PRR14: variants seen among roughly 807,000 people sequenced by gnomAD.
The protein encoded by PRR14 is proline rich 14.
In PRR14, 33 loss-of-function variants were observed where a neutral mutation model predicts 57.2. That is an observed-to-expected ratio of 0.58 (90% CI 0.44 to 0.77). The LOEUF (loss-of-function observed/expected upper bound fraction) is 0.77. PRR14 is among the 30% of genes least tolerant of loss of function. The pLI, the probability that PRR14 is intolerant of heterozygous loss-of-function variation, is 0.00. For synonymous variants in PRR14, 303 were observed against 314.7 expected, an observed-to-expected ratio of 0.96 and a Z score of 0.39; for missense variants, 716 against 788.1, an observed-to-expected ratio of 0.91 and a Z score of 1.10.
At position 30,656,240 on chromosome 16, in the gene PRR14, C is replaced by T. The variant is rs2151259919; in HGVS notation, c.1687C>T (p.Arg563Trp). 3 of 1,613,316 alleles carry T rather than the reference C, an allele frequency of 1.9e-6. No homozygotes were observed. The highest frequency in any genetic ancestry group is 1.3e-5 in the African/African-American group (1 of 75,036). Residue 563 changes from arginine (R) to tryptophan (W), a missense_variant, in exon 12 of 12, where the codon CGG (arginine) becomes TGG (tryptophan). By Grantham distance (101) the Arg-to-Trp change is moderately radical (BLOSUM62 -3). Transcript: ENST00000300835. ...SPDVGPLLQQRLEELDALLLE... is the reference protein window; with the variant it reads ...SPDVGPLLQQWLEELDALLLE... ...TGATGTGGGCCCCCTGCTCCAGCAGCGGCTGGAGGAGCTAGATGCCTTGCT... is the reference window on the plus strand; with the variant it reads ...TGATGTGGGCCCCCTGCTCCAGCAGTGGCTGGAGGAGCTAGATGCCTTGCT...
In PRR14 at chr16:30,653,454, C is replaced by T. The variant is rs373711639; in HGVS notation, c.548+46C>T. On this transcript the variant is annotated intron_variant, in intron 6 of 11. Transcript: ENST00000300835. ...ATTATCAAAGGATCCAGGCAACAGC[C>T]ATCATCCAGGTAGCCAGAGCTAGGG... The T allele has an allele frequency of 1.4e-5, 22 of 1,580,682 alleles. 1 individual carries two copies. In the East Asian group the frequency reaches 4.5e-4, roughly 32 times the overall value.
intron 3 of PRR14, chr16:30,652,436 A>C: frequency 1.8e-6 from 1 of 565,580 alleles, no homozygotes; most frequent in Non-Finnish European, 3.2e-6. Flanking sequence ...TGCACAGATA[A>C]GAAAAACTGG....
Position 30,655,025 on chromosome 16 carries a change from C to T in PRR14, c.1055C>T (p.Pro352Leu). Residue 352 changes from proline to leucine, a missense_variant, in exon 8 of 12, where the codon CCC (proline) becomes CTC (leucine). By Grantham distance (98) the Pro-to-Leu change is moderately conservative. Coordinates refer to ENST00000300835, the MANE Select transcript of PRR14 (RefSeq NM_024031.5). This position sits in a 1 kb window ranked among gnomAD's most constrained non-coding sequence, Gnocchi z 4.6. Reference sequence around the variant, plus strand: ...ACCTGCACCTGGCCACCTGCTCCACCCCAACCAAGCCGACCACGGCCGCGG... The same window carrying T: ...ACCTGCACCTGGCCACCTGCTCCACTCCAACCAAGCCGACCACGGCCGCGG... ...PGTCTWPPAP[P>L]QPSRPRPRRH... 6.2e-7 allele frequency: 1 copy of T among 1,610,360 alleles called. No homozygotes were observed. The highest frequency in any genetic ancestry group is 1.1e-5 in the South Asian group (1 of 90,976).
Position 30,651,630 on chromosome 16 carries a change from A to G in PRR14, c.-16A>G, listed in dbSNP as rs759410335. ...TGGGATTCCCCAGGGACCCCCCCGG[A>G]GCCGCCGCGTCTCCCATGGACTTGC... On this transcript the variant is annotated 5_prime_UTR_variant, in exon 2 of 12. Transcript: ENST00000300835. The surrounding 1 kb of genome is among the most constrained non-coding windows in gnomAD (Gnocchi z 5.0). The G allele has an allele frequency of 2.1e-5, 29 of 1,384,918 alleles. No homozygotes were observed. Among genetic ancestry groups the G allele is most frequent in the Admixed American group, 7.8e-5 (4 of 51,214 alleles). 85.8% of individuals were successfully genotyped at this position (1,384,918 alleles called of 1,614,324 possible).
rs771561497 is a variant in PRR14, at chr16:30,652,986, G to T, written c.387G>T (p.Arg129=). 7.4e-6 allele frequency: 12 copies of T among 1,614,050 alleles called. No homozygotes were observed. The African/African-American group carries it at 1.2e-4, about 16-fold the overall frequency. ...ACCGGACCTCTTCCACCCTGAGGCG[G>T]CGATCAAGGACAACCCCTGGCCCAG... The part of the protein sequence containing the change: ...RIHRTSSTLR[R]RSRTTPGPEE... Residue 129 remains arginine (R), a synonymous_variant, in exon 5 of 12, where the codon CGG becomes CGT. Transcript: ENST00000300835.
chr16:30,654,360 C>A lies in PRR14; in HGVS notation c.658+21C>A, dbSNP rs371138918. 3 of 1,572,376 alleles carry A rather than the reference C, an allele frequency of 1.9e-6. No individual in the cohort carries two copies. The South Asian group carries it at 3.3e-5, about 17-fold the overall frequency. ...AACAGGTAAGGACTTGGGTAGAGAT[C>A]GGATGAGACTTGGGTGTCTGGGACA... is the stretch of plus-strand genomic sequence containing the variant. On this transcript the variant is annotated intron_variant, in intron 7 of 11. Transcript: ENST00000300835.
Position 30,651,418 on chromosome 16 carries a change from G to A in PRR14, c.-50-178G>A. On this transcript the variant is annotated intron_variant, in intron 1 of 11. Coordinates refer to ENST00000300835, the MANE Select transcript of PRR14 (RefSeq NM_024031.5). This position sits in a 1 kb window ranked among gnomAD's most constrained non-coding sequence, Gnocchi z 5.0. The stretch of plus-strand genomic sequence containing the variant: ...CCAGGCAGGGCGCGAGTGATCCGCT[G>A]ATCGAGGCGGTGGCAGCGGGAGGAC... 2.1e-6 allele frequency: 1 copy of A among 485,132 alleles called. No individual in the cohort carries two copies. The highest frequency in any genetic ancestry group is 3.6e-6 in the Non-Finnish European group (1 of 276,046). The allele number at this position is 485,132 out of a possible 1,614,324, so 30.1% of individuals were successfully genotyped here.
At position 30,656,070 on chromosome 16, in the gene PRR14, A is replaced by G; in HGVS notation, c.1517A>G (p.Asn506Ser). The G allele has an allele frequency of 1.9e-6, 3 of 1,552,740 alleles. No individual in the cohort carries two copies. Among genetic ancestry groups the G allele is most frequent in the East Asian group, 2.2e-5 (1 of 44,456 alleles). ...ETIFEEPRER[N>S]GTLIFTSSRK... ...ATCTTTGAGGAACCCCGGGAGCGCA[A>G]TGGGACTCTGATTTTCACCAGCTCA... is the stretch of plus-strand genomic sequence containing the variant. The change falls in exon 12 of 12, where the codon AAT becomes AGT. Residue 506 changes from asparagine (N) to serine (S), a missense_variant. Transcript: ENST00000300835.
Position 30,654,310 on chromosome 16 carries a change from C to T in PRR14, c.629C>T (p.Pro210Leu). ...LEPPFQPSAL[P>L]ADPLESPPTA... Reference sequence around the variant, plus strand: ...CCCCCATTCCAGCCATCTGCTCTGCCTGCAGACCCTCTGGAGAGCCCACCA... The same window carrying T: ...CCCCCATTCCAGCCATCTGCTCTGCTTGCAGACCCTCTGGAGAGCCCACCA... The change falls in exon 7 of 12, where the codon CCT (proline) becomes CTT (leucine). Residue 210 changes from proline to leucine, a missense_variant. By Grantham distance (98) the Pro-to-Leu change is moderately conservative. Transcript: ENST00000300835. The T allele has an allele frequency of 6.2e-7, 1 of 1,614,014 alleles. No individual in the cohort carries two copies. The highest frequency in any genetic ancestry group is 1.1e-5 in the South Asian group (1 of 91,086).
rs779045708 is a variant in PRR14 at position 30,651,853 on chromosome 16, C to T, written c.81C>T (p.Ala27=). The change falls in exon 3 of 12, where the codon GCC becomes GCT. Residue 27 remains alanine (A), a synonymous_variant. Coordinates refer to ENST00000300835, the MANE Select transcript of PRR14 (RefSeq NM_024031.5). The surrounding 1 kb of genome is among the most constrained non-coding windows in gnomAD (Gnocchi z 5.0). ...RQPLTRALWG[A]RSPKRPRLQL... ...CTCTGACTCGAGCATTATGGGGAGC[C>T]AGGAGCCCGAAACGGCCGAGGCTGC... 3 of 1,607,016 alleles carry T rather than the reference C, an allele frequency of 1.9e-6. No homozygotes were observed. Among genetic ancestry groups the T allele is most frequent in the Non-Finnish European group, 2.5e-6 (3 of 1,178,702 alleles).
At position 30,653,052 on chromosome 16, in the gene PRR14, C is replaced by T. The variant is rs963897295; in HGVS notation, c.453C>T (p.Pro151=). 1.9e-6 allele frequency: 3 copies of T among 1,613,614 alleles called. No homozygotes were observed. In the African/African-American group the frequency reaches 4.0e-5, roughly 22 times the overall value. The change falls in exon 5 of 12, where the codon CCC becomes CCT. Residue 151 remains proline, a synonymous_variant. Transcript: ENST00000300835. ...AAAAGGTGGACCGGGCCCCCCAGCC[C>T]ACCCTGGTGGTGATGCTGGAAGACA... ...PSQKVDRAPQ[P]TLVVMLEDIA... is the part of the protein sequence containing the mutation.
rs754883099 is a variant in PRR14 at position 30,655,398 on chromosome 16, T to G, written c.1292T>G (p.Val431Gly). The stretch of plus-strand genomic sequence containing the variant: ...GAGCCAAGAGCCTCAAAGGACCAGG[T>G]GCTTTCAGAACCTGAGACCAAGGTA... ...GKEPRASKDQ[V>G]LSEPETKTMG... Residue 431 changes from valine (V) to glycine (G), a missense_variant, in exon 9 of 12, where the codon GTG (valine) becomes GGG (glycine). Physicochemically the swap from Val to Gly is moderately radical, Grantham distance 109. Coordinates refer to ENST00000300835, the MANE Select transcript of PRR14 (RefSeq NM_024031.5). This position sits in a 1 kb window ranked among gnomAD's most constrained non-coding sequence, Gnocchi z 4.6. The G allele has an allele frequency of 5.0e-6, 8 of 1,613,950 alleles. No individual in the cohort carries two copies. Among genetic ancestry groups the G allele is most frequent in the Non-Finnish European group, 6.8e-6 (8 of 1,180,022 alleles).
intron 6 of PRR14, 95 bp downstream of exon 6, chr16:30,653,503 C>G: frequency 7.7e-7 from 1 of 1,304,912 alleles, no homozygotes; most frequent in Non-Finnish European, 1.1e-6. Flanking sequence ...CTGATCCAAT[C>G]CTTCCTTGTG....
rs1288750286 is a variant in PRR14 at position 30,654,979 on chromosome 16, C to G, written c.1009C>G (p.Leu337Val). 2.5e-6 allele frequency: 4 copies of G among 1,610,862 alleles called. No individual in the cohort carries two copies. Among genetic ancestry groups the G allele is most frequent in the South Asian group, 2.2e-5 (2 of 91,080 alleles). Reference protein sequence around the residue: ...SLGRSYSCPDLGPPGPGTCTW... With the variant: ...SLGRSYSCPDVGPPGPGTCTW... ...GGGCCGAAGCTACTCCTGCCCTGAT[C>G]TGGGGCCCCCTGGCCCAGGTACCTG... is the stretch of plus-strand genomic sequence containing the variant. The change falls in exon 8 of 12, where the codon CTG becomes GTG. Residue 337 changes from leucine to valine, a missense_variant. By Grantham distance (32) the Leu-to-Val change is conservative (BLOSUM62 1). Coordinates refer to ENST00000300835, the MANE Select transcript of PRR14 (RefSeq NM_024031.5).
Position 30,651,617 on chromosome 16 carries a change from G to T in PRR14, c.-29G>T. 1 of 1,387,914 alleles carries T rather than the reference G, an allele frequency of 7.2e-7. No individual in the cohort carries two copies. The allele number at this position is 1,387,914 out of a possible 1,614,324, so 86.0% of individuals were successfully genotyped here. Reference sequence around the variant, plus strand: ...CCAGGCCGCAGCCTGGGATTCCCCAGGGACCCCCCCGGAGCCGCCGCGTCT... The same window carrying T: ...CCAGGCCGCAGCCTGGGATTCCCCATGGACCCCCCCGGAGCCGCCGCGTCT... On this transcript the variant is annotated 5_prime_UTR_variant, in exon 2 of 12. In the 5' UTR this introduces an upstream ATG that the reference lacks. Transcript: ENST00000300835. This position sits in a 1 kb window ranked among gnomAD's most constrained non-coding sequence, Gnocchi z 5.0.
rs767916702 is a variant in PRR14 at position 30,654,957 on chromosome 16, C to T, written c.987C>T (p.Gly329=). The T allele has an allele frequency of 6.2e-7, 1 of 1,611,840 alleles. No individual in the cohort carries two copies. The highest frequency in any genetic ancestry group is 8.5e-7 in the Non-Finnish European group (1 of 1,180,028). Reference sequence around the variant, plus strand: ...CACTTCTCCCTAAGCCCTCTCTGGGCCGAAGCTACTCCTGCCCTGATCTGG... The same window carrying T: ...CACTTCTCCCTAAGCCCTCTCTGGGTCGAAGCTACTCCTGCCCTGATCTGG... ...TPALLPKPSL[G]RSYSCPDLGP... is the part of the protein sequence containing the mutation. The change falls in exon 8 of 12, where the codon GGC becomes GGT. Residue 329 remains glycine, a synonymous_variant. Transcript: ENST00000300835.
rs1434957482 is a variant in PRR14, at chr16:30,651,024, G to C, written c.-154G>C. ...CCTGGGGATCTACGCTGAGTTCGGA[G>C]ATGCTCCAGCTCGGGCCGCCCCTGT... On this transcript the variant is annotated 5_prime_UTR_variant, in exon 1 of 12. Coordinates refer to ENST00000300835, the MANE Select transcript of PRR14 (RefSeq NM_024031.5). This position sits in a 1 kb window ranked among gnomAD's most constrained non-coding sequence, Gnocchi z 5.0. 2.2e-6 allele frequency: 1 copy of C among 456,322 alleles called. No individual in the cohort carries two copies. Among genetic ancestry groups the C allele is most frequent in the Admixed American group, 2.3e-5 (1 of 42,560 alleles). The allele number at this position is 456,322 out of a possible 1,614,324, so 28.3% of individuals were successfully genotyped here. A position where few individuals can be genotyped will look rare whatever the true frequency, so the allele number is the denominator to read the frequency against.
chr16:30,655,479 C>T lies in PRR14; in HGVS notation c.1315-23C>T, dbSNP rs371894658. Reference sequence around the variant, plus strand: ...GGGGCCTGAGCCCATGTCACTCTTTCACCCTCTGCCCCATTTTTGCAGACC... The same window carrying T: ...GGGGCCTGAGCCCATGTCACTCTTTTACCCTCTGCCCCATTTTTGCAGACC... On this transcript the variant is annotated intron_variant, in intron 9 of 11. Transcript: ENST00000300835. The surrounding 1 kb of genome is among the most constrained non-coding windows in gnomAD (Gnocchi z 4.6). The T allele has an allele frequency of 6.2e-7, 1 of 1,613,836 alleles. No individual in the cohort carries two copies. Among genetic ancestry groups the T allele is most frequent in the Non-Finnish European group, 8.5e-7 (1 of 1,179,694 alleles).
At position 30,651,163 on chromosome 16, in the gene PRR14, T is replaced by C; in HGVS notation, c.-51+36T>C. On this transcript the variant is annotated intron_variant, in intron 1 of 11. Transcript: ENST00000300835. This position sits in a 1 kb window ranked among gnomAD's most constrained non-coding sequence, Gnocchi z 5.0. ...TTCCTCAGGGATCCAGTCTAGGGGA[T>C]CTGGTGGGATGGAGGGTCGTCGATG... 2.4e-6 allele frequency: 1 copy of C among 417,898 alleles called. No individual in the cohort carries two copies. The allele number at this position is 417,898 out of a possible 1,614,324, so 25.9% of individuals were successfully genotyped here.
Sources: gnomAD v4.1 joint callset for allele counts on GRCh38, gnomAD v4.1.1 for gene constraint, Gnocchi (gnomAD v3.1) non-coding constraint, MANE v1.5 for transcripts, NCBI Gene and HGNC (gene_info 2026-07-23, HGNC 2026-07-21) for gene names.